Variants in THBS4 observed in about 807,000 individuals in gnomAD.
The protein encoded by THBS4 is thrombospondin-4.
THBS4 carries 90 observed loss-of-function variants against 115.7 expected under a neutral mutation model. That is an observed-to-expected ratio of 0.78 (90% confidence interval 0.66 to 0.93). THBS4 has a LOEUF of 0.93. THBS4 is among the 40% of genes least tolerant of loss of function. THBS4 has a pLI of 0.00. For missense variants in THBS4, 1,087 were observed against 1,232.7 expected, an observed-to-expected ratio of 0.88 and a Z score of 1.77; for synonymous variants, 460 against 479.3, an observed-to-expected ratio of 0.96 and a Z score of 0.53.
chr5:80,075,585 TCTGA>T (rs1257619349), intron 15 of THBS4, among the ~76,000 whole-genome samples: 1 of 152,204 alleles, frequency 6.6e-6, no homozygotes, highest in African/African-American at 2.4e-5. Context: ...CATCTTGCAC[TCTGA>T]CTACTATCTA....
At chr5:80,012,258 G>A (rs1832142034) in intron 2 of THBS4, among the ~76,000 whole-genome samples, 1 of 152,120 alleles carries the variant, frequency 6.6e-6, no homozygotes. Flanking sequence ...ATTGAACCAG[G>A]GATTGGAAAC....
Position 80,040,088 on chromosome 5 carries a change from C to T in THBS4, c.100C>T (p.Leu34Phe), listed in dbSNP as rs754194222. The T allele has an allele frequency of 1.9e-5, 30 of 1,613,972 alleles. No individual in the cohort carries two copies. The South Asian group carries it at 3.1e-4, about 17-fold the overall frequency. The change falls in exon 2 of 22, where the codon CTC becomes TTC. Residue 34 changes from leucine (L) to phenylalanine (F), a missense_variant. This residue lies in a region of THBS4 where 979 missense variants were observed against 1,103.7 expected (regional missense o/e 0.89). Coordinates refer to ENST00000350881, the MANE Select transcript of THBS4 (RefSeq NM_003248.6). ...TCCCTTCTTCCCAGTCTTTGACCTT[C>T]TCCCATCTTCCAGTCAGAGGCTAAA... The part of the protein sequence containing the change: ...AQATPQVFDL[L>F]PSSSQRLNPG...
Position 80,065,552 on chromosome 5 carries a change from C to T in THBS4, c.1194+75C>T, listed in dbSNP as rs1833788610. 17 of 1,361,568 alleles carry T rather than the reference C, an allele frequency of 1.2e-5. No individual in the cohort carries two copies. The Admixed American group carries it at 1.3e-4, about 10-fold the overall frequency. 84.3% of individuals were successfully genotyped at this position (1,361,568 alleles called of 1,614,324 possible). A position where few individuals can be genotyped will look rare whatever the true frequency, so the allele number is the denominator to read the frequency against. ...ACAAGTGTATGTTTATAGATCATAG[C>T]TTCCAAACACACCTAGAACATGTGG... On this transcript the variant is annotated intron_variant, in intron 9 of 21. Coordinates refer to ENST00000350881, the MANE Select transcript of THBS4 (RefSeq NM_003248.6).
intron 2 of THBS4, among the ~76,000 whole-genome samples, chr5:80,017,315 ACACAATAC>A (rs1462764064): frequency 6.6e-6 from 1 of 152,202 alleles, no homozygotes; most frequent in Non-Finnish European, 1.5e-5. Context: ...GATATGGATA[ACACAATAC>A]CACAATACAA....
At chr5:80,055,336 A>AG (rs1297598895) in intron 2 of THBS4, among the ~76,000 whole-genome samples, 4 of 150,744 alleles carry the variant, frequency 2.7e-5, no homozygotes, top group Non-Finnish European at 5.9e-5. Context: ...AAAAAAAAAA[A>AG]GGGAAGAAAT....
At chr5:80,036,380 A>AG (rs935575725) in intron 1 of THBS4, among the ~76,000 whole-genome samples, 21 of 152,268 alleles carry the variant, frequency 1.4e-4, no homozygotes, top group African/African-American at 4.6e-4. Context: ...CTCCAAAAGT[A>AG]GGGGGGAAGG....
intron 8 of THBS4, among the ~76,000 whole-genome samples, 156 bp from the exon 9 acceptor site, chr5:80,065,243 CTGGTACAAAT>C (rs1833772273): frequency 6.6e-6 from 1 of 152,172 alleles, no homozygotes; most frequent in Non-Finnish European, 1.5e-5. Flanking sequence ...TAAGTACAAA[CTGGTACAAAT>C]GCAAGGGAGA....
intron 20 of THBS4, among the ~76,000 whole-genome samples, chr5:80,081,676 A>G (rs1034767193): frequency 1.3e-5 from 2 of 152,222 alleles, no homozygotes; most frequent in Admixed American, 6.5e-5. Flanking sequence ...CCTGGAAAAT[A>G]TAGTTTATAT....
chr5:80,082,281 T>C (rs1743549184), intron 20 of THBS4, 125 bp from the exon 21 acceptor site: 4 of 1,323,084 alleles, frequency 3.0e-6, no homozygotes, highest in Non-Finnish European at 1.0e-6. Context: ...CAGCGAAAAA[T>C]GGAGCCTAAA....
chr5:80,029,689 G>A (rs1425002404), intron 2 of THBS4, among the ~76,000 whole-genome samples: 1 of 151,940 alleles, frequency 6.6e-6, no homozygotes, highest in Non-Finnish European at 1.5e-5. Context: ...GCCAGGCGCG[G>A]TGGCTCACGC....
chr5:80,006,792 A>G (rs1832027230), intron 2 of THBS4, among the ~76,000 whole-genome samples: 1 of 152,234 alleles, frequency 6.6e-6, no homozygotes, highest in Admixed American at 6.5e-5. Context: ...GGTACAATGT[A>G]TGTTATTTGA....
chr5:80,065,549 T>C (rs1833788511), intron 9 of THBS4, 72 bp downstream of exon 9: 1 of 1,433,428 alleles, frequency 7.0e-7, no homozygotes, highest in Non-Finnish European at 9.7e-7. Flanking sequence ...TTATAGATCA[T>C]AGCTTCCAAA....
intron 15 of THBS4, among the ~76,000 whole-genome samples, chr5:80,074,895 T>A (rs1743119758): frequency 6.6e-6 from 1 of 152,116 alleles, no homozygotes; most frequent in Non-Finnish European, 1.5e-5. Context: ...TCTTTCATTA[T>A]GCTCTGTGTC....
At chr5:80,047,196 G>A (rs1384304646) in intron 2 of THBS4, among the ~76,000 whole-genome samples, 1 of 152,116 alleles carries the variant, frequency 6.6e-6, no homozygotes, top group African/African-American at 2.4e-5. Context: ...TACATTTTAG[G>A]TTTCATTAGT....
intron 2 of THBS4, among the ~76,000 whole-genome samples, chr5:80,028,869 T>G (rs1351080951): frequency 6.6e-6 from 1 of 152,016 alleles, no homozygotes; most frequent in Non-Finnish European, 1.5e-5. Context: ...TGTACCCCCC[T>G]CCCTGTTTTT....
At chr5:80,026,572 A>G (rs1374140532) in intron 2 of THBS4, among the ~76,000 whole-genome samples, 1 of 152,244 alleles carries the variant, frequency 6.6e-6, no homozygotes, top group African/African-American at 2.4e-5. Flanking sequence ...CAACTGTGCC[A>G]TTGTGCCACA....
In THBS4 at chr5:80,005,646, G is replaced by C. The variant is rs1186337067; in HGVS notation, n.177+7219G>C. 2.0e-5 allele frequency among the ~76,000 whole-genome samples: 3 copies of C among 152,064 alleles called. No homozygotes were observed. In the East Asian group the frequency reaches 5.8e-4, roughly 29 times the overall value. ...CTTGGTGTCCTGTTTTGTATAAAGG[G>C]GAACCTGATCCCTCTTCTGCCTGGC... is the stretch of plus-strand genomic sequence containing the variant. On this transcript the variant is annotated intron_variant and non_coding_transcript_variant, in intron 2 of 3. Coordinates refer to the THBS4 transcript ENST00000510218.
intron 2 of THBS4, among the ~76,000 whole-genome samples, chr5:80,002,803 C>A (rs1419854215): frequency 6.9e-6 from 1 of 144,166 alleles, no homozygotes; most frequent in African/African-American, 2.6e-5. Context: ...AAAATTTACA[C>A]AGAATCAGAA....
chr5:80,078,235 T>A lies in THBS4; in HGVS notation c.2265+8T>A, dbSNP rs540675624. 5.4e-5 allele frequency: 85 copies of A among 1,565,542 alleles called. No individual in the cohort carries two copies. The highest frequency in any genetic ancestry group is 7.1e-5 in the Non-Finnish European group (81 of 1,147,114). On this transcript the variant is annotated splice_region_variant and intron_variant, in intron 17 of 21. Transcript: ENST00000350881. ...TGGGTGGTCCTGAACCAGGTGAGTG[T>A]CACATGGGCGGCAATGGCTCAGCCT... is the stretch of plus-strand genomic sequence containing the variant.
Sources: gnomAD v4.1 joint callset for allele counts (sites outside exome capture counted in the v4.1 genomes callset) on GRCh38, gnomAD v4.1.1 for gene constraint, gnomAD v4.1.1 regional missense constraint, MANE v1.5 for transcripts, NCBI Gene and HGNC (gene_info 2026-07-23, HGNC 2026-07-21) for gene names.